The following ANO4 variants were observed in gnomAD, a reference collection of about 807,000 sequenced individuals.
ANO4 encodes anoctamin-4.
In ANO4, 69 loss-of-function variants were observed where a neutral mutation model predicts 141.9. The ratio of observed to expected loss-of-function variants is 0.49; its 90% confidence interval spans 0.40 to 0.59. The LOEUF (loss-of-function observed/expected upper bound fraction) is 0.59, where lower values mean the gene tolerates loss of function less well. ANO4 is among the 20% of genes least tolerant of loss of function. The probability of loss-of-function intolerance (pLI) is 0.00; values close to 1 mark genes in which losing one functional copy is unlikely to be tolerated. For missense variants in ANO4, 894 were observed against 1,162.2 expected (o/e 0.77, Z 3.36); for synonymous variants, 350 against 394.3 (o/e 0.89, Z 1.33).
upstream of ANO4, among the ~76,000 whole-genome samples, chr12:100,793,674 CA>C (rs1316295568): frequency 6.6e-6 from 1 of 152,046 alleles, no homozygotes; most frequent in Non-Finnish European, 1.5e-5. Context: ...AAAGGTGGCC[CA>C]AGACAATCTC....
At chr12:100,784,443 G>A (rs2033802495) in intron 3 of ANO4, among the ~76,000 whole-genome samples, 1 of 152,038 alleles carries the variant, frequency 6.6e-6, no homozygotes, top group African/African-American at 2.4e-5. Flanking sequence ...CTTTTCTCCA[G>A]GCAAAGCAAC....
At chr12:100,963,537 G>T (rs900364984) in intron 5 of ANO4, among the ~76,000 whole-genome samples, 18 of 152,064 alleles carry the variant, frequency 1.2e-4, no homozygotes, top group African/African-American at 4.3e-4. Flanking sequence ...TTGCAGAGAG[G>T]AAATTGCATC....
At chr12:100,747,934 A>G (rs1349106096) in intron 3 of ANO4, among the ~76,000 whole-genome samples, 4 of 152,150 alleles carry the variant, frequency 2.6e-5, no homozygotes, top group South Asian at 4.1e-4. Context: ...CTTTACAAAT[A>G]TGTTCCTCAT....
intron 3 of ANO4, among the ~76,000 whole-genome samples, chr12:100,775,781 T>G (rs1039773142): frequency 5.3e-5 from 8 of 152,220 alleles, no homozygotes; most frequent in African/African-American, 1.7e-4. Flanking sequence ...TCCAGATTTT[T>G]TCTTCCTATT....
At chr12:100,995,426 T>C (rs1248325497) in intron 8 of ANO4, among the ~76,000 whole-genome samples, 5 of 152,224 alleles carry the variant, frequency 3.3e-5, no homozygotes, top group Non-Finnish European at 5.9e-5. Flanking sequence ...CCTGATCCTG[T>C]AAGGCCTGTG....
intron 14 of ANO4, among the ~76,000 whole-genome samples, chr12:101,069,946 T>C (rs2048741267): frequency 6.6e-6 from 1 of 152,000 alleles, no homozygotes; most frequent in Non-Finnish European, 1.5e-5. Flanking sequence ...GGACAGTGTA[T>C]GTCTTTGGCG....
intron 26 of ANO4, among the ~76,000 whole-genome samples, chr12:101,121,093 T>C (rs2051070866): frequency 6.6e-6 from 1 of 152,198 alleles, no homozygotes; most frequent in South Asian, 2.1e-4. Context: ...TTATTTTAGA[T>C]ACAGTGGGTA....
chr12:100,971,134 C>G (rs1199722085), intron 5 of ANO4, among the ~76,000 whole-genome samples, 172 bp from the exon 6 acceptor site: 2 of 152,218 alleles, frequency 1.3e-5, no homozygotes, highest in East Asian at 1.9e-4. Context: ...GCCACACACA[C>G]AGTGGGATGT....
At chr12:100,782,991 A>T (rs2033755617) in intron 3 of ANO4, among the ~76,000 whole-genome samples, 1 of 152,168 alleles carries the variant, frequency 6.6e-6, no homozygotes, top group Admixed American at 6.5e-5. Flanking sequence ...TCAGCCTGTG[A>T]TTACTTTCAT....
chr12:100,956,107 A>AT (rs1566054386), intron 5 of ANO4, among the ~76,000 whole-genome samples: 1 of 152,130 alleles, frequency 6.6e-6, no homozygotes, highest in Non-Finnish European at 1.5e-5. Context: ...TTTTATAGTA[A>AT]TTTTTTTCCA....
intron 1 of ANO4, among the ~76,000 whole-genome samples, chr12:100,802,225 A>G (rs771978304): frequency 2.6e-5 from 4 of 152,310 alleles, no homozygotes; most frequent in East Asian, 3.9e-4. Flanking sequence ...TTATTTGACA[A>G]TTAACTTTGT....
Position 101,048,336 on chromosome 12 carries a change from C to T in ANO4, c.1252-5C>T. On this transcript the variant is annotated splice_polypyrimidine_tract_variant and splice_region_variant and intron_variant, in intron 13 of 27. Transcript: ENST00000392977. ...TAACTCAGCACCGATTCTTATTATT[C>T]ACAGGTAACCCACCTTTTTGACAAT... 1 of 1,613,342 alleles carries T rather than the reference C, an allele frequency of 6.2e-7. No homozygotes were observed. Among genetic ancestry groups the T allele is most frequent in the Non-Finnish European group, 8.5e-7 (1 of 1,179,566 alleles).
intron 9 of ANO4, among the ~76,000 whole-genome samples, chr12:101,021,407 C>T (rs1007992636): frequency 2.0e-5 from 3 of 152,222 alleles, no homozygotes; most frequent in Non-Finnish European, 4.4e-5. Context: ...AAACCCCTTC[C>T]TCCTCCAGTG....
intron 3 of ANO4, among the ~76,000 whole-genome samples, chr12:100,781,170 A>G (rs1467670290): frequency 6.6e-6 from 1 of 152,228 alleles, no homozygotes; most frequent in African/African-American, 2.4e-5. Flanking sequence ...ATGCTCATTT[A>G]TTAGATACTC....
At chr12:100,893,823 A>G (rs2040217863) in intron 1 of ANO4, among the ~76,000 whole-genome samples, 1 of 152,142 alleles carries the variant, frequency 6.6e-6, no homozygotes, top group Non-Finnish European at 1.5e-5. Flanking sequence ...AGGGGGATTA[A>G]AAGGGAGATT....
chr12:100,892,652 A>G (rs540233931), intron 1 of ANO4, among the ~76,000 whole-genome samples: 3 of 152,338 alleles, frequency 2.0e-5, no homozygotes, highest in African/African-American at 4.8e-5. Context: ...CATATTACCT[A>G]TGTGCATCCT....
chr12:101,065,783 C>A (rs142397151), intron 14 of ANO4, among the ~76,000 whole-genome samples: 287 of 152,204 alleles, frequency 1.9e-3, no homozygotes, highest in Non-Finnish European at 3.1e-3. Flanking sequence ...TACCCTGATA[C>A]CAAAACCAGA....
chr12:100,906,482 A>G (rs1032194561), intron 2 of ANO4, among the ~76,000 whole-genome samples: 2 of 152,170 alleles, frequency 1.3e-5, no homozygotes, highest in African/African-American at 4.8e-5. Flanking sequence ...TATTATAGTA[A>G]TATCAACACA....
chr12:100,987,308 A>G (rs1258404090), intron 7 of ANO4: 1 of 499,252 alleles, frequency 2.0e-6, no homozygotes, highest in East Asian at 3.6e-5. Context: ...CATCTAACTC[A>G]CAGCTGCTAT....
Sources: allele counts gnomAD v4.1 joint callset (sites outside exome capture counted in the v4.1 genomes callset), GRCh38; gene constraint gnomAD v4.1.1; transcripts MANE v1.5; gene names NCBI Gene and HGNC (gene_info 2026-07-23, HGNC 2026-07-21).